The following PRKACB variants were observed in gnomAD, a reference collection of about 807,000 sequenced individuals.
PRKACB encodes the protein protein kinase cAMP-activated catalytic subunit beta.
PRKACB carries 16 observed loss-of-function variants against 51.4 expected under a neutral mutation model. That is an observed-to-expected ratio of 0.31 (90% CI 0.21 to 0.47). PRKACB has a LOEUF of 0.47. Ranked by LOEUF, PRKACB falls within the 20% of genes least tolerant of loss-of-function variation. The pLI is 1.00. For missense variants in PRKACB, 309 were observed against 464.5 expected (o/e 0.67, Z 3.08); for synonymous variants, 147 against 154.4 (o/e 0.95, Z 0.35).
intron 8 of PRKACB, 32 bp from the exon 9 acceptor site, chr1:84,214,121 T>A (rs757314918): frequency 6.4e-7 from 1 of 1,567,856 alleles, no homozygotes; most frequent in Non-Finnish European, 8.6e-7. Flanking sequence ...AGTCTTAGAA[T>A]GTGTGTTTTA....
At chr1:84,089,864 A>G (rs1648313866) in intron 1 of PRKACB, among the ~76,000 whole-genome samples, 1 of 152,046 alleles carries the variant, frequency 6.6e-6, no homozygotes, top group South Asian at 2.1e-4. Flanking sequence ...AGAACCTCTC[A>G]TCCATTTATC....
At chr1:84,166,568 A>G (rs1251668669) in intron 1 of PRKACB, among the ~76,000 whole-genome samples, 3 of 151,740 alleles carry the variant, frequency 2.0e-5, no homozygotes, top group African/African-American at 4.8e-5. Flanking sequence ...AATCACAACT[A>G]GGTGTTCTGA....
At chr1:84,164,835 T>C in intron 1 of PRKACB, 1 of 1,388,254 alleles carries the variant, frequency 7.2e-7, no homozygotes, top group South Asian at 1.9e-5. Flanking sequence ...GCTTTGCTTC[T>C]AGGGGCTTCT....
At chr1:84,220,078 A>G (rs1437352829) in intron 9 of PRKACB, among the ~76,000 whole-genome samples, 1 of 151,902 alleles carries the variant, frequency 6.6e-6, no homozygotes, top group Non-Finnish European at 1.5e-5. Context: ...CTGATTCATG[A>G]CCATGACCAT....
chr1:84,140,952 G>A (rs1330511716), upstream of PRKACB, among the ~76,000 whole-genome samples: 2 of 151,984 alleles, frequency 1.3e-5, no homozygotes, highest in Admixed American at 1.3e-4. Context: ...AGGATCTCAG[G>A]TGCATTACAG....
At chr1:84,193,167 C>T (rs1451073986) in intron 5 of PRKACB, among the ~76,000 whole-genome samples, 3 of 152,020 alleles carry the variant, frequency 2.0e-5, no homozygotes, top group African/African-American at 7.2e-5. Flanking sequence ...AAGAGAAAGA[C>T]CCCTTCCCAG....
At chr1:84,154,624 G>A (rs935119989) in intron 1 of PRKACB, among the ~76,000 whole-genome samples, 3 of 152,044 alleles carry the variant, frequency 2.0e-5, no homozygotes, top group African/African-American at 7.2e-5. Flanking sequence ...GAAAATTATA[G>A]GCCAATATCC....
rs77646498 is a variant in PRKACB at position 84,100,218 on chromosome 1, G to A, written c.46+21847G>A. On this transcript the variant is annotated intron_variant, in intron 1 of 8. Coordinates refer to the PRKACB transcript ENST00000370688. The stretch of plus-strand genomic sequence containing the variant: ...AACACTTATAAAACTGTCAGATCTC[G>A]TGAGAACTCAGTCACTGTTATGAGA... Among the ~76,000 whole-genome samples the A allele has an allele frequency of 4.6e-5, 7 of 152,116 alleles. No homozygotes were observed. The South Asian group carries it at 8.3e-4, about 18-fold the overall frequency.
At chr1:84,135,818 T>A (rs775377947) in intron 1 of PRKACB, among the ~76,000 whole-genome samples, 1 of 151,442 alleles carries the variant, frequency 6.6e-6, no homozygotes, top group Non-Finnish European at 1.5e-5. Flanking sequence ...AGAAGAAAGA[T>A]CTAAAATCAG....
intron 1 of PRKACB, among the ~76,000 whole-genome samples, chr1:84,080,161 A>C (rs1647409774): frequency 6.6e-6 from 1 of 152,136 alleles, no homozygotes; most frequent in African/African-American, 2.4e-5. Context: ...AGTAGTTTTC[A>C]TTAGCAAGTG....
chr1:84,152,746 A>G (rs1654995189), intron 1 of PRKACB, among the ~76,000 whole-genome samples: 1 of 152,190 alleles, frequency 6.6e-6, no homozygotes, highest in Non-Finnish European at 1.5e-5. Flanking sequence ...GGCTTAAGGA[A>G]ATGCTATGAC....
chr1:84,148,047 A>G (rs1654344382), intron 1 of PRKACB, among the ~76,000 whole-genome samples: 1 of 152,198 alleles, frequency 6.6e-6, no homozygotes, highest in Non-Finnish European at 1.5e-5. Flanking sequence ...GCTACTATAC[A>G]TCTTCCGTTT....
At chr1:84,233,329 C>T (rs1482531119) in intron 9 of PRKACB, among the ~76,000 whole-genome samples, 3 of 150,744 alleles carry the variant, frequency 2.0e-5, no homozygotes, top group South Asian at 4.2e-4. Flanking sequence ...TGACCTTTCT[C>T]TCTGGCTGCC....
At chr1:84,120,709 T>A (rs1650993739) in intron 1 of PRKACB, among the ~76,000 whole-genome samples, 1 of 152,060 alleles carries the variant, frequency 6.6e-6, no homozygotes, top group South Asian at 2.1e-4. Context: ...AGGGAAAAAA[T>A]TTATAACTGA....
At chr1:84,078,303 C>G in exon 1 of PRKACB, 1 of 1,605,394 alleles carries the variant, frequency 6.2e-7, no homozygotes. Context: ...CTTCCCTGAC[C>G]CCTTCTTGCC....
chr1:84,192,362 A>T (rs1486158893), intron 5 of PRKACB, among the ~76,000 whole-genome samples: 1 of 152,144 alleles, frequency 6.6e-6, no homozygotes, highest in Non-Finnish European at 1.5e-5. Flanking sequence ...TCTTGTCTCA[A>T]TTCTTTGTCC....
chr1:84,154,700 A>G (rs76672690), intron 1 of PRKACB, among the ~76,000 whole-genome samples: 3,858 of 152,252 alleles, frequency 0.025, 159 homozygotes, highest in African/African-American at 0.088. Context: ...AGCACATTAA[A>G]GGATGATACA....
intron 9 of PRKACB, among the ~76,000 whole-genome samples, chr1:84,232,180 C>T (rs1303082556): frequency 6.6e-6 from 1 of 151,762 alleles, no homozygotes; most frequent in Non-Finnish European, 1.5e-5. Flanking sequence ...CGTTATGTAC[C>T]CAGTAGTCAT....
At chr1:84,195,462 G>A (rs1238991531) in intron 5 of PRKACB, among the ~76,000 whole-genome samples, 1 of 152,134 alleles carries the variant, frequency 6.6e-6, no homozygotes, top group Non-Finnish European at 1.5e-5. Context: ...GTTCACTGAG[G>A]AAACAAATCT....
Sources: allele counts gnomAD v4.1 joint callset (sites outside exome capture counted in the v4.1 genomes callset), GRCh38; gene constraint gnomAD v4.1.1; transcripts MANE v1.5; gene names NCBI Gene and HGNC (gene_info 2026-07-23, HGNC 2026-07-21).